ZNF236: variants seen among roughly 807,000 people sequenced by gnomAD.
ZNF236 encodes the protein regulated by glucose.
ZNF236 carries 50 observed loss-of-function variants against 191.2 expected under a neutral mutation model. The observed-to-expected ratio is 0.26, with a 90% CI of 0.21 to 0.33. The LOEUF is 0.33. Ranked by LOEUF, ZNF236 falls within the 10% of genes least tolerant of loss-of-function variation. The pLI is 1.00. For missense variants in ZNF236, 1,754 were observed against 2,374.5 expected (o/e 0.74, Z 5.43); for synonymous variants, 907 against 928.8 (o/e 0.98, Z 0.43).
At chr18:76,892,167 GGTTTT>G (rs1352625656) in intron 9 of ZNF236, among the ~76,000 whole-genome samples, 1,576 of 22,798 alleles carry the variant, frequency 0.069, 39 homozygotes, top group African/African-American at 0.17. Flanking sequence ...TTTTCTTCTG[GGTTTT>G]TTTTTTTTTT....
In ZNF236 at chr18:76,925,536, C is replaced by T. The variant is rs1413592769; in HGVS notation, c.4009C>T (p.Leu1337Phe). Residue 1337 changes from leucine (L) to phenylalanine (F), a missense_variant, in exon 22 of 31, where the codon CTC becomes TTC. By Grantham distance (22) the Leu-to-Phe change is conservative. Around this residue, in one of 5 missense-constraint regions of ZNF236, gnomAD observed 606 missense variants for 761.5 expected, o/e 0.80. Coordinates refer to ENST00000320610, the MANE Select transcript of ZNF236 (RefSeq NM_001306089.2). This position sits in a 1 kb window ranked among gnomAD's most constrained non-coding sequence, Gnocchi z 5.7. ...LQPGLVGQAILPASVSAGGDL... is the reference protein window; with the variant it reads ...LQPGLVGQAIFPASVSAGGDL... ...ACCAGGACTGGTGGGCCAAGCTATT[C>T]TCCCTGCCTCTGTGTCAGGTAAACG... is the stretch of plus-strand genomic sequence containing the variant. 1 of 1,613,144 alleles carries T rather than the reference C, an allele frequency of 6.2e-7. No homozygotes were observed. Among genetic ancestry groups the T allele is most frequent in the Admixed American group, 1.7e-5 (1 of 60,028 alleles).
At chr18:76,848,837 T>C (rs1975777424) in intron 1 of ZNF236, among the ~76,000 whole-genome samples, 2 of 152,288 alleles carry the variant, frequency 1.3e-5, no homozygotes, top group Non-Finnish European at 1.5e-5. Flanking sequence ...AGCTAATTTT[T>C]TAGTAGAGAT....
chr18:76,825,201 C>G (rs17059945), intron 1 of ZNF236, among the ~76,000 whole-genome samples: 28,059 of 152,160 alleles, frequency 0.18, 2,775 homozygotes, highest in East Asian at 0.37. Context: ...GATTTAGCGT[C>G]TTCAGAGAGG....
At chr18:76,884,573 T>A (rs186285707) in intron 9 of ZNF236, among the ~76,000 whole-genome samples, 5 of 152,284 alleles carry the variant, frequency 3.3e-5, no homozygotes, top group Admixed American at 6.5e-5. Flanking sequence ...TTTACCTTCT[T>A]AGATCAGAGT....
At chr18:76,859,914 A>G (rs1331516896) in intron 3 of ZNF236, among the ~76,000 whole-genome samples, 1 of 152,138 alleles carries the variant, frequency 6.6e-6, no homozygotes, top group Non-Finnish European at 1.5e-5. Flanking sequence ...TATTTTGGGA[A>G]ATGAGAGCAG....
chr18:76,945,928 CT>C (rs1968248903), intron 26 of ZNF236, among the ~76,000 whole-genome samples: 1 of 152,168 alleles, frequency 6.6e-6, no homozygotes, highest in African/African-American at 2.4e-5. Context: ...GTTAGAAGCT[CT>C]CTTTCTCTGG....
At chr18:76,895,549 G>T (rs971515501) in intron 10 of ZNF236, among the ~76,000 whole-genome samples, 1 of 151,266 alleles carries the variant, frequency 6.6e-6, no homozygotes, top group African/African-American at 2.4e-5. Context: ...ACACAGCAAT[G>T]TGCACAGGTA....
chr18:76,879,026 A>G (rs1270892217), intron 7 of ZNF236, among the ~76,000 whole-genome samples: 1 of 152,164 alleles, frequency 6.6e-6, no homozygotes, highest in Non-Finnish European at 1.5e-5. Context: ...ATAAAGCTGG[A>G]GAATAGAGTC....
chr18:76,825,238 C>T (rs546225914), intron 1 of ZNF236, among the ~76,000 whole-genome samples: 163 of 152,332 alleles, frequency 1.1e-3, no homozygotes, highest in African/African-American at 3.8e-3. Context: ...TTAAAAGTTA[C>T]CTTTCCCTTC....
rs1029202977 is a variant in ZNF236, at chr18:76,970,937, G to A, written c.*2598G>A. On this transcript the variant is annotated 3_prime_UTR_variant, in exon 31 of 31. Coordinates refer to ENST00000320610, the MANE Select transcript of ZNF236 (RefSeq NM_001306089.2). ...GGCTCCGCGACAGCGAGCCGTGGGCGTCAGCACAGTGCCCTGTGCATGTGT... is the reference window on the plus strand; with the variant it reads ...GGCTCCGCGACAGCGAGCCGTGGGCATCAGCACAGTGCCCTGTGCATGTGT... Among the ~76,000 whole-genome samples, 3 of 152,252 alleles carry A rather than the reference G, an allele frequency of 2.0e-5. No individual in the cohort carries two copies. The highest frequency in any genetic ancestry group is 3.8e-4 in the East Asian group (2 of 5,200).
intron 4 of ZNF236, among the ~76,000 whole-genome samples, chr18:76,871,028 C>T (rs1247995866): frequency 6.6e-6 from 1 of 152,032 alleles, no homozygotes; most frequent in African/African-American, 2.4e-5. Context: ...GTTCTGAGGC[C>T]GCAATGGTGG....
At chr18:76,844,053 A>G (rs756506578) in intron 1 of ZNF236, among the ~76,000 whole-genome samples, 1 of 152,008 alleles carries the variant, frequency 6.6e-6, no homozygotes, top group Admixed American at 6.5e-5. Flanking sequence ...CAGCCTAACC[A>G]ATGTGGCGAA....
intron 19 of ZNF236, among the ~76,000 whole-genome samples, chr18:76,916,206 A>C (rs1967360399): frequency 6.6e-6 from 1 of 152,180 alleles, no homozygotes; most frequent in Non-Finnish European, 1.5e-5. Context: ...TAGTATGCTT[A>C]ATTTTTTGTC....
chr18:76,874,879 C>T (rs1976671890), intron 5 of ZNF236, among the ~76,000 whole-genome samples: 1 of 152,330 alleles, frequency 6.6e-6, no homozygotes, highest in East Asian at 1.9e-4. Context: ...GTGCGAAGCA[C>T]TGCACTGGCG....
chr18:76,936,615 G>A (rs1968008081), intron 25 of ZNF236, among the ~76,000 whole-genome samples: 2 of 152,236 alleles, frequency 1.3e-5, no homozygotes, highest in Admixed American at 6.5e-5. Context: ...ATAAGAATCA[G>A]TCAGGGTGAT....
chr18:76,935,507 G>A (rs563053491), intron 25 of ZNF236, among the ~76,000 whole-genome samples: 49 of 152,198 alleles, frequency 3.2e-4, no homozygotes, highest in African/African-American at 1.1e-3. Context: ...GGTGGGAGTG[G>A]GGAGAAGATC....
rs187115743 is a variant in ZNF236, at chr18:76,925,925, C to T, written c.4027+371C>T. Among the ~76,000 whole-genome samples the T allele has an allele frequency of 6.6e-6, 1 of 152,162 alleles. No individual in the cohort carries two copies. Among genetic ancestry groups the T allele is most frequent in the Non-Finnish European group, 1.5e-5 (1 of 68,038 alleles). Reference sequence around the variant, plus strand: ...TAGTGCAGTTTTCCAGTTGTTCTTGCGTCTCATAGTGCTTGAGAAGTGTTA... The same window carrying T: ...TAGTGCAGTTTTCCAGTTGTTCTTGTGTCTCATAGTGCTTGAGAAGTGTTA... On this transcript the variant is annotated intron_variant, in intron 22 of 30. Coordinates refer to ENST00000320610, the MANE Select transcript of ZNF236 (RefSeq NM_001306089.2). This position sits in a 1 kb window ranked among gnomAD's most constrained non-coding sequence, Gnocchi z 5.7.
intron 3 of ZNF236, among the ~76,000 whole-genome samples, chr18:76,854,292 T>A (rs762050137): frequency 1.3e-5 from 2 of 152,202 alleles, no homozygotes; most frequent in Non-Finnish European, 2.9e-5. Context: ...CATGCTTTTC[T>A]TAATAGTTTA....
At chr18:76,909,755 C>G (rs968717094) in intron 14 of ZNF236, among the ~76,000 whole-genome samples, 1 of 152,152 alleles carries the variant, frequency 6.6e-6, no homozygotes, top group Non-Finnish European at 1.5e-5. Flanking sequence ...TACACTTACC[C>G]CTATGGTGCC....
Sources: gnomAD v4.1 joint callset for allele counts (sites outside exome capture counted in the v4.1 genomes callset) on GRCh38, gnomAD v4.1.1 for gene constraint, gnomAD v4.1.1 regional missense constraint, Gnocchi (gnomAD v3.1) non-coding constraint, MANE v1.5 for transcripts, NCBI Gene and HGNC (gene_info 2026-07-23, HGNC 2026-07-21) for gene names.